Variants in NRG3 observed in about 807,000 individuals in gnomAD.
NRG3 encodes the protein neuregulin 3, also known as pro-neuregulin-3, membrane-bound isoform.
A neutral mutation model predicts 66.9 loss-of-function variants in NRG3; 31 were observed. The observed-to-expected ratio is 0.46, with a 90% CI of 0.35 to 0.63. The LOEUF (loss-of-function observed/expected upper bound fraction) is 0.63. Among genes scored for constraint, NRG3 ranks in the 20% least tolerant of loss-of-function variants. NRG3 has a pLI of 0.00. For synonymous variants in NRG3, 393 were observed against 359.4 expected, an observed-to-expected ratio of 1.09 and a Z score of -1.06; for missense variants, 910 against 878.9, an observed-to-expected ratio of 1.04 and a Z score of -0.45.
chr10:82,533,036 C>A (rs1847449035), intron 2 of NRG3, among the ~76,000 whole-genome samples: 1 of 149,576 alleles, frequency 6.7e-6, no homozygotes, highest in South Asian at 2.1e-4. Context: ...ATTTGTTATT[C>A]TCTAATGATT....
intron 1 of NRG3, among the ~76,000 whole-genome samples, chr10:82,221,852 T>A (rs1372439181): frequency 6.6e-6 from 1 of 152,080 alleles, no homozygotes; most frequent in Non-Finnish European, 1.5e-5. Context: ...TCCTGAAGTT[T>A]CCTTGCTTCT....
intron 4 of NRG3, among the ~76,000 whole-genome samples, chr10:82,911,744 A>G (rs1343018158): frequency 1.3e-5 from 2 of 151,050 alleles, no homozygotes; most frequent in Non-Finnish European, 3.0e-5. Context: ...AATTTCATTG[A>G]TATTGCTCTA....
intron 1 of NRG3, among the ~76,000 whole-genome samples, chr10:82,314,511 A>C (rs569053401): frequency 7.2e-5 from 11 of 152,238 alleles, no homozygotes; most frequent in African/African-American, 2.6e-4. Flanking sequence ...TAACTGCATT[A>C]AAAAATAAAT....
Position 82,982,043 on chromosome 10 carries a change from C to T in NRG3, c.1583+2923C>T, listed in dbSNP as rs7079483. The stretch of plus-strand genomic sequence containing the variant: ...TACACAGTCCTGTGTAAAAGAGCTG[C>T]GATTGAATACTGGCTTTTCTGACTA... On this transcript the variant is annotated intron_variant, in intron 8 of 8. Coordinates refer to ENST00000372141, the MANE Select transcript of NRG3 (RefSeq NM_001010848.4). 8.1e-3 allele frequency among the ~76,000 whole-genome samples: 1,225 copies of T among 152,168 alleles called. 18 individuals carry two copies. The highest frequency in any genetic ancestry group is 0.028 in the African/African-American group (1,152 of 41,522).
chr10:82,185,889 G>C (rs1462915229), intron 1 of NRG3, among the ~76,000 whole-genome samples: 1 of 152,174 alleles, frequency 6.6e-6, no homozygotes, highest in East Asian at 1.9e-4. Flanking sequence ...GTTTCGTGTA[G>C]TATATCACCC....
chr10:82,925,283 T>A (rs1179009102), intron 4 of NRG3, among the ~76,000 whole-genome samples: 1 of 152,216 alleles, frequency 6.6e-6, no homozygotes, highest in Non-Finnish European at 1.5e-5. Context: ...TATGCAACAA[T>A]GACATGTGGT....
At chr10:82,594,575 A>G (rs566253088) in intron 2 of NRG3, among the ~76,000 whole-genome samples, 20 of 152,342 alleles carry the variant, frequency 1.3e-4, no homozygotes, top group Middle Eastern at 3.4e-3. Context: ...ACTGGTGCTT[A>G]TAGATACTAT....
At chr10:82,651,523 G>GT (rs2051412203) in intron 2 of NRG3, among the ~76,000 whole-genome samples, 1 of 152,232 alleles carries the variant, frequency 6.6e-6, no homozygotes, top group Admixed American at 6.5e-5. Flanking sequence ...CACTCAAGCT[G>GT]TCCTGTGGAG....
intron 1 of NRG3, among the ~76,000 whole-genome samples, chr10:82,305,200 C>G (rs112927749): frequency 0.02 from 3,073 of 151,726 alleles, 99 homozygotes; most frequent in African/African-American, 0.07. Flanking sequence ...TTTCACCGTG[C>G]TAGCCAGGAT....
At chr10:82,645,966 A>G (rs1035443489) in intron 2 of NRG3, among the ~76,000 whole-genome samples, 6 of 152,182 alleles carry the variant, frequency 3.9e-5, no homozygotes, top group Admixed American at 2.6e-4. Flanking sequence ...GCAGCTATAC[A>G]ATTTCTATAG....
intron 1 of NRG3, among the ~76,000 whole-genome samples, chr10:82,022,957 T>A (rs1020265997): frequency 6.6e-6 from 1 of 151,204 alleles, no homozygotes; most frequent in African/African-American, 2.4e-5. Flanking sequence ...GGGGTACATG[T>A]GATATTTTGA....
chr10:82,966,907 C>A (rs1390721740), intron 6 of NRG3, among the ~76,000 whole-genome samples: 2 of 151,872 alleles, frequency 1.3e-5, no homozygotes, highest in South Asian at 2.1e-4. Flanking sequence ...TGTATCAATT[C>A]ACTGTAAGTT....
chr10:82,166,998 C>T (rs567957373), intron 1 of NRG3, among the ~76,000 whole-genome samples: 25 of 151,930 alleles, frequency 1.6e-4, no homozygotes, highest in African/African-American at 4.6e-4. Context: ...ATGTATGTAA[C>T]GCATCTTTTC....
At chr10:82,172,356 T>G (rs565149105) in intron 1 of NRG3, among the ~76,000 whole-genome samples, 2 of 152,210 alleles carry the variant, frequency 1.3e-5, no homozygotes, top group South Asian at 2.1e-4. Flanking sequence ...CAGTTTTCAT[T>G]TTAAAATTTA....
At chr10:81,956,251 C>A (rs1424131451) in intron 1 of NRG3, among the ~76,000 whole-genome samples, 1 of 151,944 alleles carries the variant, frequency 6.6e-6, no homozygotes, top group African/African-American at 2.4e-5. Context: ...GATGCTTGCC[C>A]TGGGGCAAGC....
intron 3 of NRG3, among the ~76,000 whole-genome samples, chr10:82,855,086 G>A (rs2135867447): frequency 6.6e-6 from 1 of 152,172 alleles, no homozygotes; most frequent in Middle Eastern, 3.4e-3. Context: ...GGGAAGTGGG[G>A]GTGAGTTGTC....
chr10:82,599,621 C>G (rs1447032874), intron 2 of NRG3, among the ~76,000 whole-genome samples: 2 of 152,112 alleles, frequency 1.3e-5, no homozygotes, highest in Non-Finnish European at 2.9e-5. Context: ...TGAGACCAAC[C>G]TAGCCAACAT....
chr10:82,246,936 T>C (rs2077273100), intron 1 of NRG3, among the ~76,000 whole-genome samples: 1 of 152,148 alleles, frequency 6.6e-6, no homozygotes, highest in Admixed American at 6.5e-5. Flanking sequence ...AGAACTGTTA[T>C]AAGGTATGCT....
At chr10:82,380,009 A>G (rs1485181259) in intron 2 of NRG3, among the ~76,000 whole-genome samples, 4 of 152,208 alleles carry the variant, frequency 2.6e-5, no homozygotes, top group African/African-American at 9.6e-5. Flanking sequence ...TCAATATTAA[A>G]TTGTGTGAAA....
Sources: allele counts gnomAD v4.1 joint callset (sites outside exome capture counted in the v4.1 genomes callset), GRCh38; gene constraint gnomAD v4.1.1; transcripts MANE v1.5; gene names NCBI Gene and HGNC (gene_info 2026-07-23, HGNC 2026-07-21).